ANO10: variants seen among roughly 807,000 people sequenced by gnomAD.
ANO10 encodes anoctamin 10.
In ANO10, 77 loss-of-function variants were observed where a neutral mutation model predicts 74.7. The observed-to-expected ratio is 1.03, with a 90% confidence interval of 0.86 to 1.25. ANO10 has a LOEUF of 1.25. ANO10 is among the 50% of genes most tolerant of loss of function. ANO10 has a pLI of 0.00. For missense variants in ANO10, 721 were observed against 778.1 expected (o/e 0.93, Z 0.87); for synonymous variants, 279 against 284.9 (o/e 0.98, Z 0.21).
At chr3:43,643,250 C>T (rs1375105954) in intron 1 of ANO10, among the ~76,000 whole-genome samples, 1 of 151,776 alleles carries the variant, frequency 6.6e-6, no homozygotes, top group East Asian at 1.9e-4. Context: ...CCAGGGTGGT[C>T]TCGATCTCCT....
intron 12 of ANO10, among the ~76,000 whole-genome samples, chr3:43,387,084 G>A (rs1040685711): frequency 6.6e-6 from 1 of 152,180 alleles, no homozygotes; most frequent in Non-Finnish European, 1.5e-5. Flanking sequence ...ACATCACAGA[G>A]TGCACTTATA....
At chr3:43,503,874 G>C (rs2077186418) in intron 11 of ANO10, among the ~76,000 whole-genome samples, 1 of 152,138 alleles carries the variant, frequency 6.6e-6, no homozygotes, top group South Asian at 2.1e-4. Context: ...TGAAGGCTGA[G>C]AGAGGATTTT....
intron 7 of ANO10, among the ~76,000 whole-genome samples, chr3:43,566,345 A>C (rs1220145811): frequency 1.3e-5 from 2 of 152,260 alleles, no homozygotes; most frequent in Non-Finnish European, 2.9e-5. Flanking sequence ...CAGCTGAAGG[A>C]GGCCTGCCTG....
chr3:43,594,098 C>T (rs1034309503), intron 4 of ANO10, among the ~76,000 whole-genome samples: 1 of 152,174 alleles, frequency 6.6e-6, no homozygotes, highest in African/African-American at 2.4e-5. Flanking sequence ...CAGGAGCACC[C>T]AGATTCATAA....
At chr3:43,684,218 T>G (rs1056412020) in intron 1 of ANO10, among the ~76,000 whole-genome samples, 3 of 151,820 alleles carry the variant, frequency 2.0e-5, no homozygotes, top group Non-Finnish European at 2.9e-5. Flanking sequence ...TACAATGAAC[T>G]CCAACAAATT....
chr3:43,533,390 T>C (rs2078560244), intron 11 of ANO10, among the ~76,000 whole-genome samples: 1 of 152,238 alleles, frequency 6.6e-6, no homozygotes. Flanking sequence ...ATGTAAGTTT[T>C]ATGCAGCTTA....
chr3:43,529,354 T>G (rs561078326), intron 11 of ANO10, among the ~76,000 whole-genome samples: 1 of 152,206 alleles, frequency 6.6e-6, no homozygotes, highest in Non-Finnish European at 1.5e-5. Flanking sequence ...TTGAGAACTC[T>G]TCTTGAGAAA....
chr3:43,384,117 T>G (rs569775622), intron 12 of ANO10, among the ~76,000 whole-genome samples: 1 of 151,990 alleles, frequency 6.6e-6, no homozygotes, highest in East Asian at 1.9e-4. Context: ...CCCTGCTATA[T>G]ACCAACAGCG....
At chr3:43,464,570 C>A (rs2075531098) in intron 11 of ANO10, among the ~76,000 whole-genome samples, 1 of 152,050 alleles carries the variant, frequency 6.6e-6, no homozygotes, top group Non-Finnish European at 1.5e-5. Context: ...GTCCCAGCAA[C>A]TTGGGAGGCT....
intron 1 of ANO10, among the ~76,000 whole-genome samples, chr3:43,649,389 T>G (rs957823219): frequency 2.6e-5 from 4 of 152,224 alleles, no homozygotes; most frequent in African/African-American, 9.6e-5. Context: ...TTATAGCTGC[T>G]TTTGTTTCCA....
chr3:43,477,199 T>A (rs1010107830), intron 11 of ANO10, among the ~76,000 whole-genome samples: 2 of 152,158 alleles, frequency 1.3e-5, no homozygotes, highest in African/African-American at 4.8e-5. Context: ...CATATTGAGA[T>A]GATATGATGT....
chr3:43,527,369 G>A (rs541503965), intron 11 of ANO10, among the ~76,000 whole-genome samples: 1 of 152,076 alleles, frequency 6.6e-6, no homozygotes, highest in East Asian at 1.9e-4. Flanking sequence ...AATAAAATAT[G>A]CTGCACACTA....
intron 1 of ANO10, chr3:43,690,939 G>T: frequency 6.5e-7 from 1 of 1,537,250 alleles, no homozygotes; most frequent in South Asian, 1.2e-5. Flanking sequence ...GGGCGGCCCA[G>T]TCGGCCTGTC....
chr3:43,499,457 G>T (rs1416836468), intron 11 of ANO10, among the ~76,000 whole-genome samples: 3 of 152,060 alleles, frequency 2.0e-5, no homozygotes, highest in Non-Finnish European at 1.5e-5. Context: ...TAGGAAGTAG[G>T]CTGACAGGAG....
chr3:43,565,878 G>C, intron 7 of ANO10, 151 bp from the exon 8 acceptor site: 1 of 777,490 alleles, frequency 1.3e-6, no homozygotes, highest in Non-Finnish European at 2.1e-6. Context: ...CTCCCAGCCT[G>C]AGCGACGCAG....
At chr3:43,564,971 A>G (rs1158412925) in intron 8 of ANO10, among the ~76,000 whole-genome samples, 5 of 152,216 alleles carry the variant, frequency 3.3e-5, no homozygotes, top group Admixed American at 3.3e-4. Flanking sequence ...ATGTACATCC[A>G]ACTCATCAAT....
At chr3:43,368,686 CTT>C (rs780354509) in intron 12 of ANO10, among the ~76,000 whole-genome samples, 8 of 140,768 alleles carry the variant, frequency 5.7e-5, no homozygotes, top group Non-Finnish European at 3.1e-5. Context: ...TTTAAAATGT[CTT>C]TTTTTTTTTT....
intron 9 of ANO10, among the ~76,000 whole-genome samples, chr3:43,560,631 A>G (rs1288532931): frequency 6.6e-6 from 1 of 152,258 alleles, no homozygotes; most frequent in Admixed American, 6.5e-5. Flanking sequence ...AGAGCTCAAT[A>G]AAAGTTGGCT....
At chr3:43,500,114 G>A (rs971074585) in intron 11 of ANO10, among the ~76,000 whole-genome samples, 3 of 152,100 alleles carry the variant, frequency 2.0e-5, no homozygotes, top group Non-Finnish European at 4.4e-5. Flanking sequence ...CCAAAGTGCT[G>A]GGATTAGAGG....
Sources: allele counts gnomAD v4.1 joint callset (sites outside exome capture counted in the v4.1 genomes callset), GRCh38; gene constraint gnomAD v4.1.1; transcripts MANE v1.5; gene names NCBI Gene and HGNC (gene_info 2026-07-23, HGNC 2026-07-21).